Variants in RBM45 observed in about 807,000 individuals in gnomAD.
RBM45 encodes RNA binding motif protein 45.
In RBM45, 39 loss-of-function variants were observed where a neutral mutation model predicts 58.5. The observed-to-expected ratio is 0.67, with a 90% CI of 0.52 to 0.87. The LOEUF is 0.87. Among genes scored for constraint, RBM45 ranks in the 40% least tolerant of loss-of-function variants. The pLI, the probability that RBM45 is intolerant of heterozygous loss-of-function variation, is 0.00. For synonymous variants in RBM45, 193 were observed against 203.0 expected (o/e 0.95, Z 0.42); for missense variants, 481 against 581.6 (o/e 0.83, Z 1.78).
At chr2:178,129,292 T>C (rs774324697) in intron 9 of RBM45, 105 bp from the exon 10 acceptor site, 4 of 152,236 alleles carry the variant, frequency 2.6e-5, no homozygotes, top group African/African-American at 4.8e-5. Flanking sequence ...ACATTGGGTA[T>C]ATTGAAATAA....
chr2:178,117,528 A>G (rs2087792550), intron 2 of RBM45, among the ~76,000 whole-genome samples: 1 of 152,228 alleles, frequency 6.6e-6, no homozygotes, highest in South Asian at 2.1e-4. Flanking sequence ...TCAAAAGAAT[A>G]CACAATCATT....
intron 3 of RBM45, among the ~76,000 whole-genome samples, chr2:178,119,856 G>A (rs1199285473): frequency 6.6e-6 from 1 of 152,096 alleles, no homozygotes; most frequent in East Asian, 1.9e-4. Flanking sequence ...GTAATTAATT[G>A]AAGAGAATCT....
chr2:178,115,976 G>T (rs539348405), intron 1 of RBM45, among the ~76,000 whole-genome samples: 1 of 152,090 alleles, frequency 6.6e-6, no homozygotes, highest in Admixed American at 6.6e-5. Flanking sequence ...AACATAGCAA[G>T]ACCTTGTCTC....
chr2:178,127,166 G>A (rs911023787), intron 9 of RBM45, among the ~76,000 whole-genome samples: 2 of 151,978 alleles, frequency 1.3e-5, no homozygotes, highest in African/African-American at 4.8e-5. Context: ...CTCATGATCC[G>A]CCCGCCTCGG....
intron 3 of RBM45, chr2:178,136,419 G>C (rs1276329713): frequency 6.6e-6 from 1 of 152,228 alleles, no homozygotes; most frequent in Non-Finnish European, 1.5e-5. Context: ...GACAGCTATT[G>C]AGAGTCTTGT....
intron 9 of RBM45, among the ~76,000 whole-genome samples, chr2:178,127,942 T>C (rs1181805229): frequency 6.6e-6 from 1 of 151,676 alleles, no homozygotes; most frequent in African/African-American, 2.4e-5. Context: ...AAAGAGAATA[T>C]TGGGCTTAAA....
At chr2:178,116,110 C>T in intron 1 of RBM45, 152 bp from the exon 2 acceptor site, 1 of 896,732 alleles carries the variant, frequency 1.1e-6, no homozygotes, top group South Asian at 1.9e-5. Flanking sequence ...CATGATCACA[C>T]CACTGCACTG....
At chr2:178,120,060 T>TA in intron 3 of RBM45, among the ~76,000 whole-genome samples, 1 of 152,202 alleles carries the variant, frequency 6.6e-6, no homozygotes, top group South Asian at 2.1e-4. Flanking sequence ...ATAGAATTGC[T>TA]GATCTTTCAT....
At chr2:178,114,219 C>G (rs1053147307) in intron 1 of RBM45, among the ~76,000 whole-genome samples, 1 of 152,158 alleles carries the variant, frequency 6.6e-6, no homozygotes, top group Non-Finnish European at 1.5e-5. Context: ...ACATCATGGG[C>G]TATACCAAAA....
chr2:178,127,039 T>TG (rs1574414915), intron 9 of RBM45, among the ~76,000 whole-genome samples: 1 of 151,908 alleles, frequency 6.6e-6, no homozygotes, highest in African/African-American at 2.4e-5. Context: ...TGGATACAAG[T>TG]GATTCTTCTG....
intron 8 of RBM45, 38 bp downstream of exon 8, chr2:178,124,328 C>G: frequency 7.9e-7 from 1 of 1,272,726 alleles, no homozygotes; most frequent in South Asian, 1.6e-5. Context: ...TTTATTTACA[C>G]TAGTAATTTA....
At position 178,112,711 on chromosome 2, in the gene RBM45, G is replaced by A. The variant is rs1034417193; in HGVS notation, c.165G>A (p.Trp55Ter). Residue 55 changes from tryptophan (W) to a stop codon, truncating the protein, a stop_gained, in exon 1 of 10, where the codon TGG becomes TGA. Coordinates refer to ENST00000286070, the MANE Select transcript of RBM45 (RefSeq NM_152945.4). LOFTEE classifies it high-confidence loss of function. The stretch of plus-strand genomic sequence containing the variant: ...CTTTTGGCGACATCCAGGACATCTG[G>A]GTGGTGCGGGACAAGCACACCAAGG... ...FSPFGDIQDIWVVRDKHTKES... is the reference protein window; with the variant it reads ...FSPFGDIQDI 6 of 1,614,234 alleles carry A rather than the reference G, an allele frequency of 3.7e-6. No individual in the cohort carries two copies. The highest frequency in any genetic ancestry group is 3.3e-5 in the Admixed American group (2 of 60,034).
At chr2:178,133,781 A>C (rs2088023626), downstream of RBM45, 1 of 152,178 alleles carries the variant, frequency 6.6e-6, no homozygotes, top group Admixed American at 6.5e-5. Flanking sequence ...AGAAAACAAA[A>C]ATGGTCATCC....
Position 178,123,637 on chromosome 2 carries a change from A to G in RBM45, c.969A>G (p.Gly323=). 6.2e-7 allele frequency: 1 copy of G among 1,606,158 alleles called. No homozygotes were observed. ...NRIGVSFIDD[G]SNATDLLRKM... ...TAGGTGTTTCCTTCATTGATGATGGAAGTAATGCAACAGAGTAAGTACCAT... is the reference window on the plus strand; with the variant it reads ...TAGGTGTTTCCTTCATTGATGATGGGAGTAATGCAACAGAGTAAGTACCAT... Residue 323 remains glycine (G), a synonymous_variant, in exon 6 of 10, where the codon GGA becomes GGG. Transcript: ENST00000286070.
At chr2:178,136,245 A>G (rs551631816) in intron 3 of RBM45, among the ~76,000 whole-genome samples, 75 of 152,268 alleles carry the variant, frequency 4.9e-4, no homozygotes, top group Non-Finnish European at 8.1e-4. Flanking sequence ...GGGAGGCGGA[A>G]CTTGCAGTGA....
At chr2:178,122,895 A>G (rs2087873936) in intron 5 of RBM45, among the ~76,000 whole-genome samples, 1 of 152,152 alleles carries the variant, frequency 6.6e-6, no homozygotes, top group South Asian at 2.1e-4. Context: ...GTTGTGTCAC[A>G]AACTCCTGGG....
downstream of RBM45, among the ~76,000 whole-genome samples, chr2:178,132,816 G>T (rs1343739613): frequency 1.3e-5 from 2 of 152,140 alleles, no homozygotes; most frequent in Non-Finnish European, 2.9e-5. Context: ...TCAAACTCCT[G>T]ACCTCAGGTG....
intron 1 of RBM45, 122 bp from the exon 2 acceptor site, chr2:178,116,140 T>C: frequency 7.8e-7 from 1 of 1,282,654 alleles, no homozygotes; most frequent in East Asian, 2.6e-5. Context: ...TTTTTTTTTC[T>C]TTGAGACCCT....
intron 4 of RBM45, 50 bp downstream of exon 4, chr2:178,120,459 T>C (rs2087834945): frequency 4.0e-6 from 6 of 1,511,202 alleles, no homozygotes; most frequent in Non-Finnish European, 5.3e-6. Context: ...ATATGCAATC[T>C]AATTTGGGTT....
Sources: gnomAD v4.1 joint callset for allele counts (sites outside exome capture counted in the v4.1 genomes callset) on GRCh38, gnomAD v4.1.1 for gene constraint, MANE v1.5 for transcripts, NCBI Gene and HGNC (gene_info 2026-07-23, HGNC 2026-07-21) for gene names.